SLC35D4: variants seen among roughly 807,000 people sequenced by gnomAD.
SLC35D4 encodes the protein UDP-N-acetylglucosamine transporter SLC35D4.
At chr18:23,361,103 C>CAAA in the SLC35D4 span, among the ~76,000 whole-genome samples, 19,682 of 92,706 alleles carry the variant, frequency 0.21, 2,651 homozygotes, top group Non-Finnish European at 0.29. Flanking sequence ...GACTTTGTCT[C>CAAA]AAAAAAAAAA....
chr18:23,250,346 G>T, the SLC35D4 span, among the ~76,000 whole-genome samples: 1 of 152,146 alleles, frequency 6.6e-6, no homozygotes, highest in African/African-American at 2.4e-5. Context: ...TGGATTGGGG[G>T]GTGAGGGGTT....
the SLC35D4 span, among the ~76,000 whole-genome samples, chr18:23,254,110 A>G: frequency 2.0e-5 from 3 of 152,222 alleles, no homozygotes; most frequent in African/African-American, 7.2e-5. Flanking sequence ...ATCTTAAAAC[A>G]TAGGGATGAT....
At chr18:23,252,665 A>C in the SLC35D4 span, among the ~76,000 whole-genome samples, 16 of 152,126 alleles carry the variant, frequency 1.1e-4, no homozygotes, top group Non-Finnish European at 2.4e-4. Context: ...ACAGGCTGAC[A>C]CCTGGGAACT....
chr18:23,431,068 C>A, the SLC35D4 span, among the ~76,000 whole-genome samples: 1 of 140,162 alleles, frequency 7.1e-6, no homozygotes, highest in African/African-American at 2.6e-5. Context: ...GCAGAAGAAT[C>A]GCTTGAACCT....
chr18:23,316,679 C>G, the SLC35D4 span, among the ~76,000 whole-genome samples: 13 of 152,260 alleles, frequency 8.5e-5, no homozygotes, highest in South Asian at 2.7e-3. Context: ...AGATTAGGTT[C>G]ATGTGAAGGA....
the SLC35D4 span, among the ~76,000 whole-genome samples, chr18:23,388,990 T>C: frequency 6.8e-6 from 1 of 147,288 alleles, no homozygotes; most frequent in Admixed American, 6.7e-5. Context: ...AGTAGTTCTT[T>C]TTTTTTTTTT....
chr18:23,406,677 T>C, the SLC35D4 span, among the ~76,000 whole-genome samples: 1 of 152,248 alleles, frequency 6.6e-6, no homozygotes, highest in Non-Finnish European at 1.5e-5. Flanking sequence ...CTACTTCAGC[T>C]ATAAAAGCTC....
At chr18:23,261,103 C>T in the SLC35D4 span, among the ~76,000 whole-genome samples, 11 of 152,282 alleles carry the variant, frequency 7.2e-5, no homozygotes, top group East Asian at 7.7e-4. Flanking sequence ...AAATGCCTCG[C>T]GAGTACTGTG....
chr18:23,375,146 A>AAATAAT, the SLC35D4 span, among the ~76,000 whole-genome samples: 1 of 150,294 alleles, frequency 6.7e-6, no homozygotes, highest in African/African-American at 2.4e-5. Flanking sequence ...ATAAATAAAT[A>AAATAAT]AATAATAATA....
the SLC35D4 span, among the ~76,000 whole-genome samples, chr18:23,250,184 C>A: frequency 6.6e-6 from 1 of 152,250 alleles, no homozygotes; most frequent in African/African-American, 2.4e-5. Context: ...GATCGTTAAG[C>A]AGCAGGATAT....
the SLC35D4 span, among the ~76,000 whole-genome samples, chr18:23,364,853 A>G: frequency 1.5e-5 from 2 of 130,846 alleles, no homozygotes; most frequent in African/African-American, 5.6e-5. Context: ...CAGTGAGCTG[A>G]GATCATGCCA....
chr18:23,265,744 G>A, the SLC35D4 span, among the ~76,000 whole-genome samples: 1 of 151,954 alleles, frequency 6.6e-6, no homozygotes, highest in African/African-American at 2.4e-5. Context: ...CATAAAAGAT[G>A]ACCAAAAAGA....
chr18:23,397,245 C>CT, the SLC35D4 span, among the ~76,000 whole-genome samples: 2 of 152,310 alleles, frequency 1.3e-5, no homozygotes, highest in South Asian at 4.1e-4. Flanking sequence ...TGAACCAGGG[C>CT]TGGCCAATCA....
chr18:23,257,192 A>C, the SLC35D4 span: 25 of 1,605,878 alleles, frequency 1.6e-5, no homozygotes, highest in Non-Finnish European at 1.9e-5. Context: ...TTTAATTTCA[A>C]AATGAACATG....
At chr18:23,255,112 G>A in the SLC35D4 span, among the ~76,000 whole-genome samples, 2 of 152,198 alleles carry the variant, frequency 1.3e-5, no homozygotes, top group Non-Finnish European at 2.9e-5. Flanking sequence ...ATAAGGGCAG[G>A]TGGATAGTGG....
At chr18:23,325,500 G>A in the SLC35D4 span, among the ~76,000 whole-genome samples, 66 of 152,262 alleles carry the variant, frequency 4.3e-4, no homozygotes, top group South Asian at 7.9e-3. Context: ...AAGAAGGTGC[G>A]TGATCAGTTG....
At chr18:23,375,438 T>C in the SLC35D4 span, among the ~76,000 whole-genome samples, 1 of 152,212 alleles carries the variant, frequency 6.6e-6, no homozygotes, top group Non-Finnish European at 1.5e-5. Flanking sequence ...TGTATACATA[T>C]ATACATTGAG....
At chr18:23,260,726 G>A in the SLC35D4 span, among the ~76,000 whole-genome samples, 6 of 152,054 alleles carry the variant, frequency 3.9e-5, no homozygotes, top group African/African-American at 1.4e-4. Context: ...GGGGATGGGG[G>A]CGCGCCCTGA....
the SLC35D4 span, among the ~76,000 whole-genome samples, chr18:23,429,124 G>T: frequency 6.6e-6 from 1 of 152,130 alleles, no homozygotes; most frequent in African/African-American, 2.4e-5. Flanking sequence ...CCATGTCTTT[G>T]TTATTATGCA....
Sources: allele counts gnomAD v4.1 joint callset (sites outside exome capture counted in the v4.1 genomes callset), GRCh38; gene constraint gnomAD v4.1.1; transcripts MANE v1.5; gene names NCBI Gene and HGNC (gene_info 2026-07-23, HGNC 2026-07-21).